SKI: variants seen among roughly 807,000 people sequenced by gnomAD.
The protein encoded by SKI is ski oncogene.
Under a neutral mutation model 59.3 loss-of-function variants are expected in SKI, and 23 were observed. That is an observed-to-expected ratio of 0.39 (90% CI 0.28 to 0.55). The LOEUF (loss-of-function observed/expected upper bound fraction) is 0.55. Ranked by LOEUF, SKI falls within the 20% of genes least tolerant of loss-of-function variation. The pLI is 0.67. For missense variants in SKI, 1,017 were observed against 1,038.9 expected, an observed-to-expected ratio of 0.98 and a Z score of 0.29; for synonymous variants, 673 against 488.6, an observed-to-expected ratio of 1.38 and a Z score of -4.98.
At chr1:2,280,624 GCGGCGGCGGCGA>G (rs1427880887) in intron 1 of SKI, among the ~76,000 whole-genome samples, 1 of 144,762 alleles carries the variant, frequency 6.9e-6, no homozygotes, top group East Asian at 2.1e-4. Flanking sequence ...GAGAAGACAG[GCGGCGGCGGCGA>G]TCTTCAGAGA....
Position 2,303,631 on chromosome 1 carries a change from T to G in SKI, c.1212-209T>G. 1.4e-6 allele frequency: 1 copy of G among 728,126 alleles called. No homozygotes were observed. The highest frequency in any genetic ancestry group is 2.3e-6 in the Non-Finnish European group (1 of 443,734). The allele number at this position is 728,126 out of a possible 1,614,324, so 45.1% of individuals were successfully genotyped here. Reference sequence around the variant, plus strand: ...AGCCCTGTCTGCTGGGCGCAGCTTCTTGATGTGTTGGCCTGTGTCTGGCCT... The same window carrying G: ...AGCCCTGTCTGCTGGGCGCAGCTTCGTGATGTGTTGGCCTGTGTCTGGCCT... On this transcript the variant is annotated intron_variant, in intron 3 of 6. Transcript: ENST00000378536. The surrounding 1 kb of genome is among the most constrained non-coding windows in gnomAD (Gnocchi z 5.6).
chr1:2,234,979 C>T (rs757288485), intron 1 of SKI, among the ~76,000 whole-genome samples: 1 of 151,530 alleles, frequency 6.6e-6, no homozygotes, highest in Non-Finnish European at 1.5e-5. Flanking sequence ...GGTGGTAGGG[C>T]GGCTCCTTCC....
chr1:2,302,309 G>T (rs1381710279), intron 1 of SKI, among the ~76,000 whole-genome samples: 1 of 152,208 alleles, frequency 6.6e-6, no homozygotes, highest in Admixed American at 6.5e-5. Context: ...AGGCAAAGGT[G>T]TGTGTGGTGC....
intron 1 of SKI, chr1:2,248,195 G>A (rs1639040876): frequency 6.6e-6 from 1 of 152,324 alleles, no homozygotes; most frequent in Non-Finnish European, 1.5e-5. Context: ...GGTTCTTGGG[G>A]GGAGCTCCTA....
At chr1:2,278,772 G>T (rs963540294) in intron 1 of SKI, among the ~76,000 whole-genome samples, 1 of 152,102 alleles carries the variant, frequency 6.6e-6, no homozygotes, top group South Asian at 2.1e-4. Context: ...GTGGCCTGCA[G>T]ACCCCCCTTC....
intron 1 of SKI, among the ~76,000 whole-genome samples, chr1:2,294,933 G>C (rs560349279): frequency 6.6e-6 from 1 of 152,368 alleles, no homozygotes; most frequent in Admixed American, 6.5e-5. Flanking sequence ...CTCTGGAAAG[G>C]AGACTTGACC....
chr1:2,257,300 C>G (rs1430148882), intron 1 of SKI, among the ~76,000 whole-genome samples: 1 of 152,266 alleles, frequency 6.6e-6, no homozygotes, highest in African/African-American at 2.4e-5. Context: ...ATTGCCAATT[C>G]TTGACCATCT....
rs2100918778 is a variant in SKI at position 2,304,013 on chromosome 1, C to G, written c.1385C>G (p.Pro462Arg). 1 of 1,612,524 alleles carries G rather than the reference C, an allele frequency of 6.2e-7. No individual in the cohort carries two copies. The highest frequency in any genetic ancestry group is 2.2e-5 in the East Asian group (1 of 44,868). Reference protein sequence around the residue: ...PRKRKLTVDTPGAPETLAPVA... With the variant: ...PRKRKLTVDTRGAPETLAPVA... ...AAGCGGAAGCTGACTGTGGACACCC[C>G]AGGAGCCCCAGAGACGCTGGCGCCC... Residue 462 changes from proline (P) to arginine (R), a missense_variant, in exon 4 of 7, where the codon CCA becomes CGA. Pro to Arg is a moderately radical substitution (Grantham distance 103). Coordinates refer to ENST00000378536, the MANE Select transcript of SKI (RefSeq NM_003036.4).
chr1:2,306,339 C>T (rs954695436), intron 6 of SKI, 89 bp downstream of exon 6: 4 of 1,273,466 alleles, frequency 3.1e-6, no homozygotes, highest in East Asian at 2.5e-5. Flanking sequence ...GCCGGAAAGG[C>T]CTTGGAGCAG....
intron 1 of SKI, among the ~76,000 whole-genome samples, chr1:2,293,525 C>T (rs1640214530): frequency 2.0e-5 from 3 of 152,116 alleles, no homozygotes; most frequent in Admixed American, 1.3e-4. Flanking sequence ...ACCATCGTGC[C>T]CTCTTCTTCT....
At chr1:2,235,907 C>T (rs959980607) in intron 1 of SKI, among the ~76,000 whole-genome samples, 2 of 152,178 alleles carry the variant, frequency 1.3e-5, no homozygotes, top group Admixed American at 6.5e-5. Context: ...AGTGCTTATT[C>T]CTTTGAGTAA....
At chr1:2,244,343 C>T (rs1337020466) in intron 1 of SKI, among the ~76,000 whole-genome samples, 2 of 151,932 alleles carry the variant, frequency 1.3e-5, no homozygotes, top group Non-Finnish European at 2.9e-5. Context: ...TTTGGGAGGC[C>T]AAGGTGGGTG....
intron 1 of SKI, among the ~76,000 whole-genome samples, chr1:2,275,772 A>G (rs2100862709): frequency 1.3e-5 from 2 of 152,232 alleles, no homozygotes; most frequent in South Asian, 4.2e-4. Context: ...TCGGCCTCCC[A>G]AGGTGCTGGG....
chr1:2,253,552 T>C (rs1022135961), intron 1 of SKI, among the ~76,000 whole-genome samples: 8 of 152,218 alleles, frequency 5.3e-5, no homozygotes, highest in Non-Finnish European at 1.0e-4. Context: ...CCTGCACATA[T>C]GCCCTGTCTC....
chr1:2,247,295 G>A (rs1639020380), intron 1 of SKI, among the ~76,000 whole-genome samples: 1 of 150,356 alleles, frequency 6.7e-6, no homozygotes, highest in Non-Finnish European at 1.5e-5. Flanking sequence ...AGCTGGAGAG[G>A]GAAGGGCCTG....
chr1:2,229,249 C>G lies in SKI; in HGVS notation c.483C>G (p.Leu161=), dbSNP rs1252325955. The change falls in exon 1 of 7, where the codon CTC becomes CTG. Residue 161 remains leucine, a synonymous_variant. Transcript: ENST00000378536. The surrounding 1 kb of genome is among the most constrained non-coding windows in gnomAD (Gnocchi z 6.3). The part of the protein sequence containing the change: ...SRCTADQLEI[L]KVMGILPFSA... The stretch of plus-strand genomic sequence containing the variant: ...GCACGGCCGACCAGCTGGAGATCCT[C>G]AAAGTCATGGGCATCCTGCCCTTCT... 1.9e-6 allele frequency: 3 copies of G among 1,603,296 alleles called. No homozygotes were observed. The highest frequency in any genetic ancestry group is 1.7e-5 in the Admixed American group (1 of 58,650).
intron 1 of SKI, among the ~76,000 whole-genome samples, chr1:2,271,196 T>C (rs1639608941): frequency 6.6e-6 from 1 of 152,100 alleles, no homozygotes; most frequent in Non-Finnish European, 1.5e-5. Context: ...CACAGAGGCC[T>C]GGACACTCCC....
intron 1 of SKI, among the ~76,000 whole-genome samples, chr1:2,245,817 G>GGC: frequency 3.2e-5 from 1 of 31,662 alleles, no homozygotes. Flanking sequence ...TTTTTTTTGA[G>GGC]GCAGGGTCTC....
chr1:2,231,138 C>T (rs938584447), intron 1 of SKI, among the ~76,000 whole-genome samples: 12 of 152,060 alleles, frequency 7.9e-5, no homozygotes, highest in African/African-American at 2.9e-4. Context: ...TTGGGGTGGG[C>T]CCGATGGCGC....
Sources: gnomAD v4.1 joint callset for allele counts (sites outside exome capture counted in the v4.1 genomes callset) on GRCh38, gnomAD v4.1.1 for gene constraint, Gnocchi (gnomAD v3.1) non-coding constraint, MANE v1.5 for transcripts, NCBI Gene and HGNC (gene_info 2026-07-23, HGNC 2026-07-21) for gene names.